Variants in SMAD7 observed in about 807,000 individuals in gnomAD.
SMAD7 encodes the protein SMAD family member 7.
Under a neutral mutation model 38.7 loss-of-function variants are expected in SMAD7, and 8 were observed. The observed-to-expected ratio is 0.21, with a 90% confidence interval of 0.12 to 0.37. The LOEUF is 0.37. Among genes scored for constraint, SMAD7 ranks in the 10% least tolerant of loss-of-function variants. SMAD7 has a pLI of 1.00. For missense variants in SMAD7, 477 were observed against 577.9 expected, an observed-to-expected ratio of 0.83 and a Z score of 1.79; for synonymous variants, 327 against 265.1, an observed-to-expected ratio of 1.23 and a Z score of -2.27.
intron 3 of SMAD7, among the ~76,000 whole-genome samples, chr18:48,925,808 A>G (rs975174136): frequency 1.3e-5 from 2 of 151,784 alleles, no homozygotes; most frequent in Non-Finnish European, 1.5e-5. Context: ...GTGCAGTGGC[A>G]CAATCTCGGC....
intron 2 of SMAD7, among the ~76,000 whole-genome samples, chr18:48,944,864 G>C (rs1189021153): frequency 1.3e-5 from 2 of 152,194 alleles, no homozygotes; most frequent in Non-Finnish European, 2.9e-5. Flanking sequence ...GCAACACTAA[G>C]TGTTATCAAG....
rs1245267262 is a variant in SMAD7 at position 48,920,171 on chromosome 18, C to G, written c.*1201G>C. ...TTTTTTTCAGGAGTCCTTTCTCTCT[C>G]AAAGCACTACAATGCTAAATTTCCA... On this transcript the variant is annotated 3_prime_UTR_variant, in exon 4 of 4. Transcript: ENST00000262158. The G allele has an allele frequency of 1.3e-5, 2 of 152,326 alleles. No homozygotes were observed. The highest frequency in any genetic ancestry group is 2.9e-5 in the Non-Finnish European group (2 of 67,996). The allele number at this position is 152,326 out of a possible 1,614,324, so 9.4% of individuals were successfully genotyped here. A position where few individuals can be genotyped will look rare whatever the true frequency, so the allele number is the denominator to read the frequency against.
intron 1 of SMAD7, 63 bp from the exon 2 acceptor site, chr18:48,948,500 GA>G: frequency 8.7e-7 from 1 of 1,153,140 alleles, no homozygotes; most frequent in Non-Finnish European, 1.3e-6. Context: ...AGAAACTTAT[GA>G]TAACAGAGGC....
intron 3 of SMAD7, among the ~76,000 whole-genome samples, chr18:48,930,643 T>C (rs2069987515): frequency 6.6e-6 from 1 of 151,790 alleles, no homozygotes; most frequent in Admixed American, 6.6e-5. Context: ...GCTTTCTCAC[T>C]CCCTCTGCCC....
In SMAD7 at chr18:48,923,389, A is replaced by G. The variant is rs76063375; in HGVS notation, c.743-1479T>C. 2.1e-3 allele frequency among the ~76,000 whole-genome samples: 327 copies of G among 152,296 alleles called. 3 individuals are homozygous for G. The highest frequency in any genetic ancestry group is 7.3e-3 in the African/African-American group (304 of 41,560). On this transcript the variant is annotated intron_variant, in intron 3 of 3. Transcript: ENST00000262158. Reference sequence around the variant, plus strand: ...ATCCTGCTGCCCCAGCAGGCTGGGTAACTGGGGCAGCCCAGGACACTAACT... The same window carrying G: ...ATCCTGCTGCCCCAGCAGGCTGGGTGACTGGGGCAGCCCAGGACACTAACT...
chr18:48,939,354 G>C (rs898349685), intron 3 of SMAD7, among the ~76,000 whole-genome samples: 1 of 151,266 alleles, frequency 6.6e-6, no homozygotes, highest in Non-Finnish European at 1.5e-5. Flanking sequence ...AGTCCCTAAC[G>C]ACCAGGCCTG....
In SMAD7 at chr18:48,920,411, C is replaced by T. The variant is rs1407029557; in HGVS notation, c.*961G>A. ...TCTTGGAGGGAAGGGGACTGCTAAG[C>T]ATGTCCCTCCCAGGGACATCCCCGC... On this transcript the variant is annotated 3_prime_UTR_variant, in exon 4 of 4. Coordinates refer to ENST00000262158, the MANE Select transcript of SMAD7 (RefSeq NM_005904.4). The T allele has an allele frequency of 6.6e-6, 1 of 152,460 alleles. No individual in the cohort carries two copies. The highest frequency in any genetic ancestry group is 6.5e-5 in the Admixed American group (1 of 15,292). The allele number at this position is 152,460 out of a possible 1,614,324, so 9.4% of individuals were successfully genotyped here.
chr18:48,930,632 C>G (rs374904974), intron 3 of SMAD7, among the ~76,000 whole-genome samples: 5 of 152,102 alleles, frequency 3.3e-5, no homozygotes, highest in African/African-American at 4.8e-5. Flanking sequence ...GTCCCCTCCC[C>G]GCTTTCTCAC....
intron 2 of SMAD7, among the ~76,000 whole-genome samples, chr18:48,945,168 GA>G (rs1320319997): frequency 1.3e-5 from 2 of 152,176 alleles, no homozygotes; most frequent in East Asian, 3.9e-4. Context: ...GGTTATAAAA[GA>G]ACACAGCACT....
intron 3 of SMAD7, among the ~76,000 whole-genome samples, chr18:48,940,442 G>A (rs1009190202): frequency 6.6e-6 from 1 of 152,094 alleles, no homozygotes; most frequent in Admixed American, 6.5e-5. Context: ...GACTGGAAGA[G>A]CTTTGGGGAA....
At position 48,940,869 on chromosome 18, in the gene SMAD7, G is replaced by A. The variant is rs139434538; in HGVS notation, c.742+1612C>T. Among the ~76,000 whole-genome samples the A allele has an allele frequency of 4.5e-3, 691 of 151,936 alleles. 7 individuals carry two copies. Among genetic ancestry groups the A allele is most frequent in the African/African-American group, 0.016 (666 of 41,462 alleles). Reference sequence around the variant, plus strand: ...GAGGGCTTCACAGGTCACATGGCACGGGCGGGTGAGGAGGCACTCAGGCTG... The same window carrying A: ...GAGGGCTTCACAGGTCACATGGCACAGGCGGGTGAGGAGGCACTCAGGCTG... On this transcript the variant is annotated intron_variant, in intron 3 of 3. Coordinates refer to ENST00000262158, the MANE Select transcript of SMAD7 (RefSeq NM_005904.4).
At chr18:48,928,615 C>G (rs1213495290) in intron 3 of SMAD7, among the ~76,000 whole-genome samples, 1 of 152,168 alleles carries the variant, frequency 6.6e-6, no homozygotes, top group Non-Finnish European at 1.5e-5. Context: ...CATCACCGCC[C>G]TCCTTGCCAC....
chr18:48,949,504 G>T (rs562864439), intron 1 of SMAD7, among the ~76,000 whole-genome samples: 2 of 152,190 alleles, frequency 1.3e-5, no homozygotes, highest in South Asian at 2.1e-4. Context: ...GGAAATGAAG[G>T]CGTCTAATTT....
In SMAD7 at chr18:48,950,273, C is replaced by A. The variant is rs2070247283; in HGVS notation, c.152G>T (p.Gly51Val). 1 of 1,524,816 alleles carries A rather than the reference C, an allele frequency of 6.6e-7. No individual in the cohort carries two copies. Among genetic ancestry groups the A allele is most frequent in the Admixed American group, 2.0e-5 (1 of 49,622 alleles). 94.5% of individuals were successfully genotyped at this position (1,524,816 alleles called of 1,614,324 possible). ...GATDSRAHGA[G>V]GGGPGRAGCC... Reference sequence around the variant, plus strand: ...TCCAGCCCTGCCCGGGCCGCCGCCACCGGCCCCATGCGCTCGGCTGTCCGT... The same window carrying A: ...TCCAGCCCTGCCCGGGCCGCCGCCAACGGCCCCATGCGCTCGGCTGTCCGT... The change falls in exon 1 of 4, where the codon GGT (glycine) becomes GTT (valine). Residue 51 changes from glycine (G) to valine (V), a missense_variant. Transcript: ENST00000262158.
chr18:48,940,382 G>A (rs2070123263), intron 3 of SMAD7, among the ~76,000 whole-genome samples: 1 of 152,180 alleles, frequency 6.6e-6, no homozygotes, highest in African/African-American at 2.4e-5. Flanking sequence ...ATTACCTGGA[G>A]GGGTGAGGGG....
chr18:48,950,127 G>A lies in SMAD7; in HGVS notation c.298C>T (p.Leu100Phe). 1.3e-6 allele frequency: 2 copies of A among 1,494,728 alleles called. No homozygotes were observed. Among genetic ancestry groups the A allele is most frequent in the Non-Finnish European group, 1.8e-6 (2 of 1,125,920 alleles). The allele number at this position is 1,494,728 out of a possible 1,614,324, so 92.6% of individuals were successfully genotyped here. A position where few individuals can be genotyped will look rare whatever the true frequency, so the allele number is the denominator to read the frequency against. Reference protein sequence around the residue: ...ADLKALTHSVLKKLKERQLEL... With the variant: ...ADLKALTHSVFKKLKERQLEL... ...AGCTGCCGCTCCTTCAGTTTCTTGA[G>A]CACCGAGTGCGTGAGCGCCTTCAGA... The change falls in exon 1 of 4, where the codon CTC (leucine) becomes TTC (phenylalanine). Residue 100 changes from leucine (L) to phenylalanine (F), a missense_variant. Physicochemically the swap from Leu to Phe is conservative, Grantham distance 22. Coordinates refer to ENST00000262158, the MANE Select transcript of SMAD7 (RefSeq NM_005904.4).
chr18:48,925,978 C>G (rs1008356819), intron 3 of SMAD7, among the ~76,000 whole-genome samples: 2 of 152,214 alleles, frequency 1.3e-5, no homozygotes, highest in South Asian at 4.1e-4. Context: ...GATCTCCTGA[C>G]CTCGTGATCC....
intron 3 of SMAD7, among the ~76,000 whole-genome samples, chr18:48,935,108 C>G (rs1042837132): frequency 6.6e-6 from 1 of 152,138 alleles, no homozygotes; most frequent in South Asian, 2.1e-4. Flanking sequence ...ATCCACGGGG[C>G]ACCTTCCACG....
rs554262096 is a variant in SMAD7 at position 48,931,042 on chromosome 18, T to C, written c.743-9132A>G. On this transcript the variant is annotated intron_variant, in intron 3 of 3. Transcript: ENST00000262158. ...TGGATGAACCCTGAGGGCATTATGT[T>C]AAGTGAAATAAGCCGATCACAAAAG... 2.6e-5 allele frequency among the ~76,000 whole-genome samples: 4 copies of C among 152,316 alleles called. No homozygotes were observed. In the East Asian group the frequency reaches 7.7e-4, roughly 29 times the overall value.
Sources: gnomAD v4.1 joint callset for allele counts (sites outside exome capture counted in the v4.1 genomes callset) on GRCh38, gnomAD v4.1.1 for gene constraint, MANE v1.5 for transcripts, NCBI Gene and HGNC (gene_info 2026-07-23, HGNC 2026-07-21) for gene names.